The following CDH24 variants were observed in gnomAD, a reference collection of about 807,000 sequenced individuals.
CDH24 encodes cadherin-24.
In CDH24, 61 loss-of-function variants were observed where a neutral mutation model predicts 71.2. The observed-to-expected ratio is 0.86, with a 90% CI of 0.70 to 1.06. The LOEUF (loss-of-function observed/expected upper bound fraction) is 1.06, where lower values mean the gene tolerates loss of function less well. Among genes scored for constraint, CDH24 ranks in the 50% least tolerant of loss-of-function variants. The pLI is 0.00. For synonymous variants in CDH24, 440 were observed against 470.2 expected, an observed-to-expected ratio of 0.94 and a Z score of 0.83; for missense variants, 961 against 1,083.7, an observed-to-expected ratio of 0.89 and a Z score of 1.59.
rs2047109212 is a variant in CDH24 at position 23,054,412 on chromosome 14, T to C, written c.785-84A>G. On this transcript the variant is annotated intron_variant, in intron 5 of 12. Transcript: ENST00000487137. The surrounding 1 kb of genome is among the most constrained non-coding windows in gnomAD (Gnocchi z 5.2). ...CACAGCACTTTATTCTCCCAGGATC[T>C]GGCTGGGGAGGAGGCGAGGAGGGAA... The C allele has an allele frequency of 5.2e-6, 8 of 1,550,618 alleles. No homozygotes were observed. The highest frequency in any genetic ancestry group is 7.0e-6 in the Non-Finnish European group (8 of 1,145,282).
rs1460793932 is a variant in CDH24 at position 23,055,951 on chromosome 14, A to C, written c.-124-94T>G. The C allele has an allele frequency of 1.8e-6, 1 of 556,616 alleles. No individual in the cohort carries two copies. Among genetic ancestry groups the C allele is most frequent in the Non-Finnish European group, 3.2e-6 (1 of 311,874 alleles). The allele number at this position is 556,616 out of a possible 1,614,324, so 34.5% of individuals were successfully genotyped here. On this transcript the variant is annotated intron_variant, in intron 1 of 12. Transcript: ENST00000487137. The surrounding 1 kb of genome is among the most constrained non-coding windows in gnomAD (Gnocchi z 4.1). Reference sequence around the variant, plus strand: ...GAAGACCAGACCTCCAAGGAACCAGACACTCCACTGCCCAGAACTCAGACT... The same window carrying C: ...GAAGACCAGACCTCCAAGGAACCAGCCACTCCACTGCCCAGAACTCAGACT...
intron 7 of CDH24, among the ~76,000 whole-genome samples, chr14:23,053,009 C>T (rs958111634): frequency 5.3e-5 from 8 of 152,164 alleles, no homozygotes; most frequent in Middle Eastern, 3.2e-3. Flanking sequence ...GTGGGAATGA[C>T]ACCAGTACCT....
At chr14:23,050,190 G>T (rs1005547881) in intron 8 of CDH24, 1 of 450,074 alleles carries the variant, frequency 2.2e-6, no homozygotes, top group African/African-American at 2.0e-5. Flanking sequence ...CAGGAATGCC[G>T]CACCCATGAT....
At position 23,054,649 on chromosome 14, in the gene CDH24, T is replaced by C. The variant is rs1378291769; in HGVS notation, c.641A>G (p.Asn214Ser). 12 of 1,613,772 alleles carry C rather than the reference T, an allele frequency of 7.4e-6. No homozygotes were observed. Among genetic ancestry groups the C allele is most frequent in the Non-Finnish European group, 1.0e-5 (12 of 1,179,962 alleles). Residue 214 changes from asparagine to serine, a missense_variant, in exon 5 of 13, where the codon AAC becomes AGC. Around this residue, in one of 2 missense-constraint regions of CDH24, gnomAD observed 671 missense variants for 810.9 expected, o/e 0.83. Transcript: ENST00000487137. This position sits in a 1 kb window ranked among gnomAD's most constrained non-coding sequence, Gnocchi z 5.2. ...QTGVVRTAIPNMDRETQEEFL... is the reference protein window; with the variant it reads ...QTGVVRTAIPSMDRETQEEFL... ...CTCCTCCTGTGTCTCCCGGTCCATG[T>C]TGGGGATGGCTGTACGCACCACTCC...
rs533055325 is a variant in CDH24 at position 23,055,282 on chromosome 14, T to G, written c.273A>C (p.Val91=). The change falls in exon 3 of 13, where the codon GTA becomes GTC. Residue 91 remains valine, a synonymous_variant. Transcript: ENST00000487137. This position sits in a 1 kb window ranked among gnomAD's most constrained non-coding sequence, Gnocchi z 4.1. Reference sequence around the variant, plus strand: ...TGCCTGTGGCCTCATCAATCACAAATACGGTGCCTGCCCCCTCCCCGGTCA... The same window carrying G: ...TGCCTGTGGCCTCATCAATCACAAAGACGGTGCCTGCCCCCTCCCCGGTCA... ...YLLTGEGAGT[V]FVIDEATGNI... 6.2e-7 allele frequency: 1 copy of G among 1,613,476 alleles called. No individual in the cohort carries two copies. The highest frequency in any genetic ancestry group is 1.7e-5 in the Admixed American group (1 of 59,998).
Position 23,049,692 on chromosome 14 carries a change from C to T in CDH24, c.1532G>A (p.Ser511Asn), listed in dbSNP as rs769727328. ...AGGACCTTGAAAGGAGACATGGCTA[C>T]TGTTGCCAACTTCATCTCTGTCCAG... ...RALDRDEVGN[S>N]SHVSFQGPLG... is the part of the protein sequence containing the mutation. Residue 511 changes from serine (S) to asparagine (N), a missense_variant, in exon 10 of 13, where the codon AGT (serine) becomes AAT (asparagine). Physicochemically the swap from Ser to Asn is conservative, Grantham distance 46. This residue lies in a region of CDH24 where 671 missense variants were observed against 810.9 expected (regional missense o/e 0.83). Coordinates refer to ENST00000487137, the MANE Select transcript of CDH24 (RefSeq NM_144985.4). 4.7e-5 allele frequency: 76 copies of T among 1,611,968 alleles called. No individual in the cohort carries two copies. The highest frequency in any genetic ancestry group is 4.2e-6 in the Non-Finnish European group (5 of 1,178,688).
Position 23,057,251 on chromosome 14 carries a change from G to A in CDH24, c.-125+152C>T, listed in dbSNP as rs982916100. ...GAAGAAAGAGGGAGAGAGGTGCGAG[G>A]GGAGAAGGGAAAGAGGCAGAGCGCG... On this transcript the variant is annotated intron_variant, in intron 1 of 12. Transcript: ENST00000487137. This position sits in a 1 kb window ranked among gnomAD's most constrained non-coding sequence, Gnocchi z 5.4. Among the ~76,000 whole-genome samples the A allele has an allele frequency of 2.6e-5, 4 of 152,040 alleles. No individual in the cohort carries two copies. The highest frequency in any genetic ancestry group is 7.2e-5 in the African/African-American group (3 of 41,422).
At position 23,054,582 on chromosome 14, in the gene CDH24, CA is replaced by C; in HGVS notation, c.707del (p.Met236ArgfsTer10). The C allele has an allele frequency of 9.9e-6, 16 of 1,614,140 alleles. No homozygotes were observed. The highest frequency in any genetic ancestry group is 1.4e-5 in the Non-Finnish European group (16 of 1,180,002). ...VIQAKDMGGH[M>X]GGLSGSTTVT... The stretch of plus-strand genomic sequence containing the variant: ...CCGTAGTGCTGCCTGACAGCCCCCC[CA>C]TGTGGCCGCCCATGTCCTTGGCCTG... On this transcript the variant is annotated frameshift_variant, in exon 5 of 13. Coordinates refer to ENST00000487137, the MANE Select transcript of CDH24 (RefSeq NM_144985.4). LOFTEE classifies it high-confidence loss of function. This position sits in a 1 kb window ranked among gnomAD's most constrained non-coding sequence, Gnocchi z 5.2.
chr14:23,054,801 G>A lies in CDH24; in HGVS notation c.562C>T (p.Leu188=). 4 of 1,614,044 alleles carry A rather than the reference G, an allele frequency of 2.5e-6. No individual in the cohort carries two copies. Among genetic ancestry groups the A allele is most frequent in the South Asian group, 1.1e-5 (1 of 91,084 alleles). ...DDPSYGNSAK[L]VYTVLDGLPF... is the part of the protein sequence containing the mutation. Reference sequence around the variant, plus strand: ...AGTCCATCCAGAACAGTGTACACCAGCTTGGCACTGTTCCCATAGCTGGGG... The same window carrying A: ...AGTCCATCCAGAACAGTGTACACCAACTTGGCACTGTTCCCATAGCTGGGG... The change falls in exon 4 of 13, where the codon CTG becomes TTG. Residue 188 remains leucine, a synonymous_variant. Coordinates refer to ENST00000487137, the MANE Select transcript of CDH24 (RefSeq NM_144985.4). This position sits in a 1 kb window ranked among gnomAD's most constrained non-coding sequence, Gnocchi z 5.2.
rs757091583 is a variant in CDH24 at position 23,048,494 on chromosome 14, C to G, written c.1847-15G>C. On this transcript the variant is annotated splice_polypyrimidine_tract_variant and intron_variant, in intron 11 of 12. Transcript: ENST00000487137. ...CACCACCAGGGCTGCGCGAGAGGCGCGCACACAGGCCCTGAGCCAGCAGGG... is the reference window on the plus strand; with the variant it reads ...CACCACCAGGGCTGCGCGAGAGGCGGGCACACAGGCCCTGAGCCAGCAGGG... 14 of 1,600,518 alleles carry G rather than the reference C, an allele frequency of 8.7e-6. No homozygotes were observed. The East Asian group carries it at 1.3e-4, about 15-fold the overall frequency.
At chr14:23,050,985 G>C (rs1444141183) in intron 8 of CDH24, among the ~76,000 whole-genome samples, 2 of 152,050 alleles carry the variant, frequency 1.3e-5, no homozygotes, top group East Asian at 3.9e-4. Flanking sequence ...TCTGGGTGCG[G>C]GTAGGAGCAG....
chr14:23,054,920 AC>A lies in CDH24; in HGVS notation c.497-55del, dbSNP rs2047114915. On this transcript the variant is annotated intron_variant, in intron 3 of 12. Transcript: ENST00000487137. The surrounding 1 kb of genome is among the most constrained non-coding windows in gnomAD (Gnocchi z 5.2). ...CAGCAGCAGGGAAGGATGGGGAAGAACAACCGATGGGGGGGGATGCAGATAC... is the reference window on the plus strand; with the variant it reads ...CAGCAGCAGGGAAGGATGGGGAAGAAAACCGATGGGGGGGGATGCAGATAC... 13 of 1,578,392 alleles carry A rather than the reference AC, an allele frequency of 8.2e-6. No homozygotes were observed. Among genetic ancestry groups the A allele is most frequent in the Non-Finnish European group, 1.0e-5 (12 of 1,164,964 alleles).
Position 23,048,423 on chromosome 14 carries a change from G to A in CDH24, c.1903C>T (p.Leu635=). 6.2e-7 allele frequency: 1 copy of A among 1,612,178 alleles called. No homozygotes were observed. Among genetic ancestry groups the A allele is most frequent in the Non-Finnish European group, 8.5e-7 (1 of 1,179,646 alleles). Residue 635 remains leucine, a synonymous_variant, in exon 12 of 13, where the codon CTG becomes TTG. Coordinates refer to ENST00000487137, the MANE Select transcript of CDH24 (RefSeq NM_144985.4). ...TTCTCTCGGACGTCCTCCTCCTCCA[G>A]TACCATCAGTGCTTCTTGCTTCTGC... ...RRQKQEALMV[L]EEEDVRENII...
Position 23,049,291 on chromosome 14 carries a change from G to A in CDH24, c.1598-16C>T, listed in dbSNP as rs748288705. The A allele has an allele frequency of 1.3e-6, 2 of 1,561,088 alleles. No homozygotes were observed. Among genetic ancestry groups the A allele is most frequent in the Non-Finnish European group, 8.7e-7 (1 of 1,152,504 alleles). ...GCGGAGCCATCTGTGGGAGAGGGAA[G>A]GTGTTGAGGTATCTTCTGGGACACC... On this transcript the variant is annotated splice_polypyrimidine_tract_variant and intron_variant, in intron 10 of 12. Coordinates refer to ENST00000487137, the MANE Select transcript of CDH24 (RefSeq NM_144985.4).
chr14:23,055,419 T>C lies in CDH24; in HGVS notation c.202-66A>G. The C allele has an allele frequency of 6.3e-7, 1 of 1,587,004 alleles. No homozygotes were observed. The highest frequency in any genetic ancestry group is 8.6e-7 in the Non-Finnish European group (1 of 1,163,166). On this transcript the variant is annotated intron_variant, in intron 2 of 12. Transcript: ENST00000487137. The surrounding 1 kb of genome is among the most constrained non-coding windows in gnomAD (Gnocchi z 4.1). ...AGAGACAGGGTTAAAGAGTCTAGGTTTGGGTAGAGCGTTGGGAGTCCTGAG... is the reference window on the plus strand; with the variant it reads ...AGAGACAGGGTTAAAGAGTCTAGGTCTGGGTAGAGCGTTGGGAGTCCTGAG...
rs2047048279 is a variant in CDH24 at position 23,047,309 on chromosome 14, C to T, written c.*585G>A. On this transcript the variant is annotated 3_prime_UTR_variant, in exon 13 of 13. Coordinates refer to ENST00000487137, the MANE Select transcript of CDH24 (RefSeq NM_144985.4). ...GAGGCAGGCTGGTTCCCTCTCTCAG[C>T]TGGAGGCCAGTGGAGCCAGGATGAG... 1.3e-5 allele frequency: 2 copies of T among 152,648 alleles called. No homozygotes were observed. Among genetic ancestry groups the T allele is most frequent in the African/African-American group, 4.8e-5 (2 of 41,482 alleles). The allele number at this position is 152,648 out of a possible 1,614,324, so 9.5% of individuals were successfully genotyped here.
chr14:23,055,172 C>T lies in CDH24; in HGVS notation c.383G>A (p.Arg128Gln), dbSNP rs530370599. 204 of 1,614,142 alleles carry T rather than the reference C, an allele frequency of 1.3e-4. No homozygotes were observed. Among genetic ancestry groups the T allele is most frequent in the Non-Finnish European group, 1.6e-4 (188 of 1,180,022 alleles). Residue 128 changes from arginine to glutamine, a missense_variant, in exon 3 of 13, where the codon CGG becomes CAG. Coordinates refer to ENST00000487137, the MANE Select transcript of CDH24 (RefSeq NM_144985.4). This position sits in a 1 kb window ranked among gnomAD's most constrained non-coding sequence, Gnocchi z 4.1. ...GAACTCTGATGGGGGCTCCAGGGGC[C>T]GGTTGGAGGCTCGGTCCACGGCTTG... ...LAQAVDRASN[R>Q]PLEPPSEFII...
At position 23,049,043 on chromosome 14, in the gene CDH24, A is replaced by C. The variant is rs1566721580; in HGVS notation, c.1830T>G (p.Cys610Trp). The C allele has an allele frequency of 1.9e-6, 3 of 1,612,532 alleles. No individual in the cohort carries two copies. The highest frequency in any genetic ancestry group is 2.5e-6 in the Non-Finnish European group (3 of 1,179,838). The stretch of plus-strand genomic sequence containing the variant: ...CTGACTCACCAAGCAGGGCACCCAC[A>C]CAGGTGATGATGGCAAGCAGGGCGC... ...STGALLAIIT[C>W]VGALLALVVL... Residue 610 changes from cysteine to tryptophan, a missense_variant, in exon 11 of 13, where the codon TGT (cysteine) becomes TGG (tryptophan). Around this residue, in one of 2 missense-constraint regions of CDH24, gnomAD observed 290 missense variants for 272.8 expected, o/e 1.06. Transcript: ENST00000487137.
chr14:23,049,792 C>A lies in CDH24; in HGVS notation c.1485+30G>T. The stretch of plus-strand genomic sequence containing the variant: ...TGGAGTGGGCTGCTGGAGGCCTGGA[C>A]GTCCCAACCCCTCTGCCTCAGTTGC... On this transcript the variant is annotated intron_variant, in intron 9 of 12. Coordinates refer to ENST00000487137, the MANE Select transcript of CDH24 (RefSeq NM_144985.4). 1.2e-6 allele frequency: 2 copies of A among 1,613,102 alleles called. 1 individual carries two copies. The highest frequency in any genetic ancestry group is 1.7e-6 in the Non-Finnish European group (2 of 1,179,320).
Sources: gnomAD v4.1 joint callset for allele counts (sites outside exome capture counted in the v4.1 genomes callset) on GRCh38, gnomAD v4.1.1 for gene constraint, gnomAD v4.1.1 regional missense constraint, Gnocchi (gnomAD v3.1) non-coding constraint, MANE v1.5 for transcripts, NCBI Gene and HGNC (gene_info 2026-07-23, HGNC 2026-07-21) for gene names.